Variants in CSGALNACT1 observed in about 807,000 individuals in gnomAD.
CSGALNACT1 encodes the protein chondroitin sulfate N-acetylgalactosaminyltransferase 1.
A neutral mutation model predicts 51.0 loss-of-function variants in CSGALNACT1; 52 were observed. The observed-to-expected ratio is 1.02, with a 90% CI of 0.82 to 1.29. CSGALNACT1 has a LOEUF of 1.29. Ranked by LOEUF, CSGALNACT1 falls within the 50% of genes most tolerant of loss-of-function variation. The pLI is 0.00. For synonymous variants in CSGALNACT1, 341 were observed against 254.4 expected, an observed-to-expected ratio of 1.34 and a Z score of -3.24; for missense variants, 935 against 679.2, an observed-to-expected ratio of 1.38 and a Z score of -4.19.
At chr8:19,446,715 T>C (rs1401081003) in intron 5 of CSGALNACT1, among the ~76,000 whole-genome samples, 1 of 152,186 alleles carries the variant, frequency 6.6e-6, no homozygotes, top group African/African-American at 2.4e-5. Flanking sequence ...GGTTTCACCA[T>C]GTTGGCCAGG....
intron 4 of CSGALNACT1, among the ~76,000 whole-genome samples, chr8:19,503,943 G>T (rs893738208): frequency 6.6e-6 from 1 of 152,182 alleles, no homozygotes; most frequent in Non-Finnish European, 1.5e-5. Context: ...AAGAACACAG[G>T]CATGAACAGC....
intron 5 of CSGALNACT1, among the ~76,000 whole-genome samples, chr8:19,452,571 C>T (rs995577007): frequency 6.6e-6 from 1 of 152,144 alleles, no homozygotes; most frequent in Admixed American, 6.5e-5. Context: ...CCACATCCCA[C>T]AGAAGCGATA....
intron 1 of CSGALNACT1, among the ~76,000 whole-genome samples, chr8:19,627,716 G>T (rs866190855): frequency 6.6e-6 from 1 of 152,068 alleles, no homozygotes; most frequent in African/African-American, 2.4e-5. Flanking sequence ...TCCCAGCTAC[G>T]TTGGAGGCTC....
intron 4 of CSGALNACT1, among the ~76,000 whole-genome samples, chr8:19,475,109 A>C (rs185966802): frequency 3.0e-4 from 46 of 152,144 alleles, no homozygotes; most frequent in Admixed American, 7.2e-4. Flanking sequence ...TCTCTAAGTT[A>C]AGAAGGAGGA....
At chr8:19,583,456 G>A (rs560605607) in intron 3 of CSGALNACT1, among the ~76,000 whole-genome samples, 4 of 152,220 alleles carry the variant, frequency 2.6e-5, no homozygotes, top group South Asian at 2.1e-4. Context: ...AAGCTGCATT[G>A]GATCTGATGC....
intron 1 of CSGALNACT1, among the ~76,000 whole-genome samples, chr8:19,726,248 T>C (rs1477861951): frequency 3.3e-5 from 5 of 152,174 alleles, no homozygotes; most frequent in Admixed American, 6.5e-5. Context: ...CAATAATATA[T>C]AGAGCCTTTG....
chr8:19,697,523 G>T (rs148970942), intron 1 of CSGALNACT1, among the ~76,000 whole-genome samples: 42 of 152,086 alleles, frequency 2.8e-4, no homozygotes, highest in Non-Finnish European at 5.3e-4. Context: ...TCTCAGGGCC[G>T]GGCAGAGCTA....
chr8:19,487,873 C>T (rs2153950519), intron 4 of CSGALNACT1, among the ~76,000 whole-genome samples: 1 of 152,068 alleles, frequency 6.6e-6, no homozygotes, highest in South Asian at 2.1e-4. Context: ...AAAGAATGAA[C>T]TGAGAATGAA....
At chr8:19,596,128 A>G (rs2048844475) in intron 2 of CSGALNACT1, among the ~76,000 whole-genome samples, 1 of 152,096 alleles carries the variant, frequency 6.6e-6, no homozygotes, top group African/African-American at 2.4e-5. Flanking sequence ...TTGGCCTTCC[A>G]GAGTGTTGAG....
intron 8 of CSGALNACT1, among the ~76,000 whole-genome samples, chr8:19,415,345 G>A (rs2056670889): frequency 6.6e-6 from 1 of 152,194 alleles, no homozygotes; most frequent in Non-Finnish European, 1.5e-5. Context: ...GGAAGGGGGA[G>A]TCCTTCATCT....
chr8:19,741,542 G>A (rs534351054), intron 1 of CSGALNACT1, among the ~76,000 whole-genome samples: 3 of 118,892 alleles, frequency 2.5e-5, no homozygotes, highest in East Asian at 2.6e-4. Context: ...CAGCCTGGGC[G>A]AAAGAGTGAG....
intron 8 of CSGALNACT1, among the ~76,000 whole-genome samples, chr8:19,415,989 A>G (rs1311533512): frequency 6.6e-6 from 1 of 152,158 alleles, no homozygotes; most frequent in African/African-American, 2.4e-5. Flanking sequence ...AGATTTAAAA[A>G]CATTTTCTTG....
intron 3 of CSGALNACT1, among the ~76,000 whole-genome samples, chr8:19,562,366 C>G (rs568892581): frequency 1.3e-5 from 2 of 152,048 alleles, no homozygotes; most frequent in South Asian, 4.1e-4. Context: ...ACTATTTTTG[C>G]TAGGCAATAC....
chr8:19,404,306 T>G (rs767766982), exon 10 of CSGALNACT1: 78 of 453,122 alleles, frequency 1.7e-4, no homozygotes, highest in Non-Finnish European at 2.8e-4. Context: ...CTTGAAGCTT[T>G]TAAACAATGA....
rs533151338 is a variant in CSGALNACT1, at chr8:19,622,981, A to G, written c.-543-21116T>C. ...CTGCTTAGATGACGGGTTGATAGGT[A>G]CTGCAAACCACCCTGGCACATGTAT... is the stretch of plus-strand genomic sequence containing the variant. On this transcript the variant is annotated intron_variant, in intron 1 of 9. Coordinates refer to the CSGALNACT1 transcript ENST00000332246. Among the ~76,000 whole-genome samples the G allele has an allele frequency of 2.0e-5, 3 of 152,218 alleles. No homozygotes were observed. In the South Asian group the frequency reaches 6.2e-4, roughly 32 times the overall value.
At chr8:19,420,619 C>T (rs2057770307) in intron 6 of CSGALNACT1, 101 bp from the exon 6 acceptor site, 1 of 1,251,224 alleles carries the variant, frequency 8.0e-7, no homozygotes, top group Non-Finnish European at 1.2e-6. Context: ...TGACCCATTT[C>T]TTTTGTAACC....
chr8:19,606,571 A>C (rs932728799), upstream of CSGALNACT1, among the ~76,000 whole-genome samples: 5 of 152,176 alleles, frequency 3.3e-5, no homozygotes, highest in African/African-American at 4.8e-5. Context: ...CTAAAAGATT[A>C]CTTTTCTGTT....
rs1322332124 is a variant in CSGALNACT1 at position 19,513,430 on chromosome 8, C to A, written c.-296-7300G>T. On this transcript the variant is annotated intron_variant, in intron 3 of 9. Coordinates refer to ENST00000454498, the Ensembl canonical transcript of CSGALNACT1. ...TCTCTCTCTCACTCTCTCTCTCTCT[C>A]TCTCTCTATATATATATATATATAT... 4.2e-3 allele frequency among the ~76,000 whole-genome samples: 332 copies of A among 78,660 alleles called. 4 individuals carry two copies. Among genetic ancestry groups the A allele is most frequent in the African/African-American group, 0.013 (296 of 22,664 alleles). 51.6% of individuals were successfully genotyped at this position (78,660 alleles called of 152,430 possible). A position where few individuals can be genotyped will look rare whatever the true frequency, so the allele number is the denominator to read the frequency against.
At chr8:19,677,714 G>A (rs541822100) in intron 1 of CSGALNACT1, among the ~76,000 whole-genome samples, 1 of 152,268 alleles carries the variant, frequency 6.6e-6, no homozygotes, top group South Asian at 2.1e-4. Flanking sequence ...AAGAAGCAGG[G>A]TCACCAGCTG....
Sources: gnomAD v4.1 joint callset for allele counts (sites outside exome capture counted in the v4.1 genomes callset) on GRCh38, gnomAD v4.1.1 for gene constraint, MANE v1.5 for transcripts, NCBI Gene and HGNC (gene_info 2026-07-23, HGNC 2026-07-21) for gene names.